The following ETV6 variants were observed in gnomAD, a reference collection of about 807,000 sequenced individuals.
ETV6 encodes transcription factor ETV6.
In ETV6, 16 loss-of-function variants were observed where a neutral mutation model predicts 51.1. The observed-to-expected ratio is 0.31, with a 90% CI of 0.21 to 0.48. The LOEUF is 0.48. Among genes scored for constraint, ETV6 ranks in the 20% least tolerant of loss-of-function variants. The pLI is 0.99. For missense variants in ETV6, 458 were observed against 594.8 expected (o/e 0.77, Z 2.39); for synonymous variants, 240 against 224.1 (o/e 1.07, Z -0.64).
intron 1 of ETV6, among the ~76,000 whole-genome samples, chr12:11,690,959 C>T (rs1163128634): frequency 6.6e-6 from 1 of 151,804 alleles, no homozygotes; most frequent in Non-Finnish European, 1.5e-5. Flanking sequence ...TCACTTCAGG[C>T]TGCTATAACA....
At chr12:11,669,373 T>TCCATCCCTCCCTC (rs1864262418) in intron 1 of ETV6, among the ~76,000 whole-genome samples, 1 of 129,344 alleles carries the variant, frequency 7.7e-6, no homozygotes, top group Admixed American at 7.4e-5. Context: ...CTTCCTCCCT[T>TCCATCCCTCCCTC]CCTCCCTCCC....
intron 1 of ETV6, among the ~76,000 whole-genome samples, chr12:11,729,189 C>T (rs1443739133): frequency 1.3e-5 from 2 of 152,212 alleles, no homozygotes; most frequent in African/African-American, 4.8e-5. Context: ...CAGGTAAGAT[C>T]TGCTGAAGGA....
Position 11,650,489 on chromosome 12 carries a change from A to AAAAC in ETV6, c.33+332_33+333insCAAA, listed in dbSNP as rs1555109500. On this transcript the variant is annotated intron_variant, in intron 1 of 7. Coordinates refer to ENST00000396373, the MANE Select transcript of ETV6 (RefSeq NM_001987.5). ...CCCGTAATTAGTGCGCTTAAAAAAA[A>AAAAC]AAAAAACAAAAAACAAAAAAAAAAA... is the stretch of plus-strand genomic sequence containing the variant. Among the ~76,000 whole-genome samples the AAAAC allele has an allele frequency of 2.8e-3, 191 of 67,426 alleles. 7 individuals carry two copies. Among genetic ancestry groups the AAAAC allele is most frequent in the African/African-American group, 7.8e-3 (176 of 22,644 alleles). The allele number at this position is 67,426 out of a possible 152,430, so 44.2% of individuals were successfully genotyped here.
chr12:11,891,683 C>T lies in ETV6; in HGVS notation c.*637C>T, dbSNP rs977202958. 3 of 492,234 alleles carry T rather than the reference C, an allele frequency of 6.1e-6. No homozygotes were observed. The highest frequency in any genetic ancestry group is 1.7e-5 in the South Asian group (1 of 57,736). The allele number at this position is 492,234 out of a possible 1,614,324, so 30.5% of individuals were successfully genotyped here. ...CTCTTGCTCTGTTCTTCCCTTGGTC[C>T]CCTCTGTCCTCCCGCCCTGCCTGCA... is the stretch of plus-strand genomic sequence containing the variant. On this transcript the variant is annotated 3_prime_UTR_variant, in exon 8 of 8. Transcript: ENST00000396373.
At chr12:11,852,321 C>T (rs1251004046) in intron 3 of ETV6, among the ~76,000 whole-genome samples, 2 of 152,206 alleles carry the variant, frequency 1.3e-5, no homozygotes, top group Non-Finnish European at 2.9e-5. Flanking sequence ...GGCCTGACAT[C>T]TCTAGATGAT....
chr12:11,753,946 G>A (rs1442392170), intron 2 of ETV6, among the ~76,000 whole-genome samples: 1 of 152,170 alleles, frequency 6.6e-6, no homozygotes, highest in South Asian at 2.1e-4. Flanking sequence ...CTTTTAAGGA[G>A]GTTCGAACTG....
At chr12:11,694,731 C>T (rs2120811436) in intron 1 of ETV6, among the ~76,000 whole-genome samples, 1 of 152,266 alleles carries the variant, frequency 6.6e-6, no homozygotes, top group South Asian at 2.1e-4. Flanking sequence ...ATCATTTATC[C>T]ACATGTACTT....
intron 7 of ETV6, 49 bp downstream of exon 7, chr12:11,886,075 C>A: frequency 7.3e-7 from 1 of 1,371,760 alleles, no homozygotes; most frequent in Non-Finnish European, 1.0e-6. Flanking sequence ...ATGCTGTTTT[C>A]TTTAAATAAC....
intron 1 of ETV6, among the ~76,000 whole-genome samples, chr12:11,706,557 T>C (rs1385786386): frequency 6.6e-6 from 1 of 152,244 alleles, no homozygotes; most frequent in African/African-American, 2.4e-5. Context: ...GGGGCAGCCC[T>C]CCTTACCTGG....
At chr12:11,848,835 C>T (rs1214745915) in intron 3 of ETV6, among the ~76,000 whole-genome samples, 4 of 152,144 alleles carry the variant, frequency 2.6e-5, no homozygotes, top group Non-Finnish European at 5.9e-5. Flanking sequence ...GAGGAACCAA[C>T]GAAAACCATG....
At chr12:11,871,683 G>A (rs910327459) in intron 5 of ETV6, among the ~76,000 whole-genome samples, 9 of 152,296 alleles carry the variant, frequency 5.9e-5, no homozygotes, top group Middle Eastern at 3.4e-3. Context: ...ATATGTTTGG[G>A]ATTCCATTCA....
chr12:11,713,857 A>T (rs186228117), intron 1 of ETV6, among the ~76,000 whole-genome samples: 1 of 152,246 alleles, frequency 6.6e-6, no homozygotes. Flanking sequence ...CAGTAATGTT[A>T]TAAGGAAGAG....
intron 2 of ETV6, among the ~76,000 whole-genome samples, chr12:11,786,361 T>A (rs1388250956): frequency 1.3e-5 from 2 of 151,996 alleles, no homozygotes; most frequent in African/African-American, 4.8e-5. Flanking sequence ...TTTCCCTAAT[T>A]AAAGATATAT....
rs890437449 is a variant in ETV6 at position 11,773,788 on chromosome 12, A to G, written c.163+21209A>G. On this transcript the variant is annotated intron_variant, in intron 2 of 7. Transcript: ENST00000396373. ...AACAGACCCTAGACTGTCTACCCCA[A>G]GTCTGGGAAGGCGGTCCTCTGAAGC... 3.3e-5 allele frequency among the ~76,000 whole-genome samples: 5 copies of G among 152,212 alleles called. No homozygotes were observed. In the East Asian group the frequency reaches 9.6e-4, roughly 29 times the overall value.
rs61465437 is a variant in ETV6, at chr12:11,669,373, T to C, written c.33+19213T>C. Among the ~76,000 whole-genome samples, 175 of 129,388 alleles carry C rather than the reference T, an allele frequency of 1.4e-3. 2 individuals are homozygous for C. The highest frequency in any genetic ancestry group is 4.5e-3 in the African/African-American group (137 of 30,624). 84.9% of individuals were successfully genotyped at this position (129,388 alleles called of 152,430 possible). ...GTCCTCCTGTCCTCCCTTCCTCCCTTCCTCCCTCCCTCCCTCCCTCCTTTC... is the reference window on the plus strand; with the variant it reads ...GTCCTCCTGTCCTCCCTTCCTCCCTCCCTCCCTCCCTCCCTCCCTCCTTTC... On this transcript the variant is annotated intron_variant, in intron 1 of 7. Transcript: ENST00000396373.
At chr12:11,842,926 G>A (rs543923598) in intron 3 of ETV6, among the ~76,000 whole-genome samples, 1 of 152,234 alleles carries the variant, frequency 6.6e-6, no homozygotes, top group East Asian at 1.9e-4. Context: ...AGCAAGCAAT[G>A]CCAGGACATT....
intron 4 of ETV6, among the ~76,000 whole-genome samples, chr12:11,864,753 TAA>T (rs112545930): frequency 6.2e-5 from 9 of 145,084 alleles, no homozygotes; most frequent in African/African-American, 2.0e-4. Context: ...TTAAGCACTT[TAA>T]AAAAAAAAAA....
chr12:11,713,075 G>T (rs1865202705), intron 1 of ETV6, among the ~76,000 whole-genome samples: 1 of 152,152 alleles, frequency 6.6e-6, no homozygotes, highest in Admixed American at 6.5e-5. Context: ...TGACCAGGTG[G>T]GTGATGAATT....
At chr12:11,687,389 C>G in intron 1 of ETV6, among the ~76,000 whole-genome samples, 1 of 151,650 alleles carries the variant, frequency 6.6e-6, no homozygotes, top group African/African-American at 2.4e-5. Flanking sequence ...CCATGTTGGC[C>G]AGGCTGGTCT....
Sources: gnomAD v4.1 joint callset for allele counts (sites outside exome capture counted in the v4.1 genomes callset) on GRCh38, gnomAD v4.1.1 for gene constraint, MANE v1.5 for transcripts, NCBI Gene and HGNC (gene_info 2026-07-23, HGNC 2026-07-21) for gene names.